The following AHDC1 variants were observed in gnomAD, a reference collection of about 807,000 sequenced individuals.
The protein encoded by AHDC1 is AT-hook DNA binding motif containing 1.
Under a neutral mutation model 87.9 loss-of-function variants are expected in AHDC1, and 7 were observed. The ratio of observed to expected loss-of-function variants is 0.08; its 90% CI spans 0.05 to 0.15. The LOEUF (loss-of-function observed/expected upper bound fraction) is 0.15, where lower values mean the gene tolerates loss of function less well. Ranked by LOEUF, AHDC1 falls within the 10% of genes least tolerant of loss-of-function variation. AHDC1 has a pLI of 1.00. For missense variants in AHDC1, 1,841 were observed against 2,253.2 expected, an observed-to-expected ratio of 0.82 and a Z score of 3.70; for synonymous variants, 1,051 against 1,006.8, an observed-to-expected ratio of 1.04 and a Z score of -0.83.
rs1277759937 is a variant in AHDC1, at chr1:27,590,977, T to C, written c.-629+12420A>G. Among the ~76,000 whole-genome samples the C allele has an allele frequency of 1.3e-5, 2 of 152,088 alleles. No individual in the cohort carries two copies. The highest frequency in any genetic ancestry group is 1.5e-5 in the Non-Finnish European group (1 of 67,994). On this transcript the variant is annotated intron_variant, in intron 3 of 8. Transcript: ENST00000673934. This position sits in a 1 kb window ranked among gnomAD's most constrained non-coding sequence, Gnocchi z 5.4. ...AGGAGAAACGAGATGCTCCATGATTTATGAGCCTAATTCTTTTCCCTTAAA... is the reference window on the plus strand; with the variant it reads ...AGGAGAAACGAGATGCTCCATGATTCATGAGCCTAATTCTTTTCCCTTAAA...
chr1:27,571,611 G>C (rs148490419), intron 3 of AHDC1, among the ~76,000 whole-genome samples: 2 of 151,394 alleles, frequency 1.3e-5, no homozygotes, highest in African/African-American at 2.4e-5. Context: ...CAGCCAAGGA[G>C]GGGGGGGTGG....
intron 3 of AHDC1, among the ~76,000 whole-genome samples, chr1:27,583,220 A>G (rs2088957396): frequency 6.6e-6 from 1 of 152,014 alleles, no homozygotes; most frequent in Admixed American, 6.6e-5. Flanking sequence ...CACCCTCCCT[A>G]TGTCCTTGAG....
chr1:27,563,112 GACAC>G lies in AHDC1; in HGVS notation c.-628-4233_-628-4230del, dbSNP rs150482219. Among the ~76,000 whole-genome samples the G allele has an allele frequency of 3.3e-5, 5 of 151,618 alleles. No homozygotes were observed. The highest frequency in any genetic ancestry group is 1.3e-4 in the Admixed American group (2 of 15,230). On this transcript the variant is annotated intron_variant, in intron 3 of 8. Coordinates refer to ENST00000673934, the MANE Select transcript of AHDC1 (RefSeq NM_001371928.1). This position sits in a 1 kb window ranked among gnomAD's most constrained non-coding sequence, Gnocchi z 6.1. ...GAGAACCTGTTACACAGCTGACCAAGACACACACACACGCACGCACGCATGCATG... is the reference window on the plus strand; with the variant it reads ...GAGAACCTGTTACACAGCTGACCAAGACACACACGCACGCACGCATGCATG...
Position 27,548,872 on chromosome 1 carries a change from CTGCAGAGGT to C in AHDC1, c.3235_3243del (p.Thr1079_Ala1081del), listed in dbSNP as rs764560345. On this transcript the variant is annotated inframe_deletion, in exon 8 of 9. Transcript: ENST00000673934. ...GAGGAGGAGGAGGAGGCGGCAGAGG[CTGCAGAGGT>C]GGCAGAGGCTGTGGTGCCCTTGGGT... 4.3e-6 allele frequency: 7 copies of C among 1,612,150 alleles called. No homozygotes were observed. The highest frequency in any genetic ancestry group is 1.7e-5 in the Admixed American group (1 of 59,864).
chr1:27,548,924 C>A lies in AHDC1; in HGVS notation c.3192G>T (p.Ser1064=). The change falls in exon 8 of 9, where the codon TCG becomes TCT. Residue 1064 remains serine, a synonymous_variant. Transcript: ENST00000673934. ...CCTTGGGTACCATGTAGCCACCGGGCGAGACTGTGCTGGCCCGGCTGTCAC... is the reference window on the plus strand; with the variant it reads ...CCTTGGGTACCATGTAGCCACCGGGAGAGACTGTGCTGGCCCGGCTGTCAC... ...LRCDSRASTV[S]PGGYMVPKGT... The A allele has an allele frequency of 6.3e-7, 1 of 1,597,392 alleles. No homozygotes were observed. Among genetic ancestry groups the A allele is most frequent in the Non-Finnish European group, 8.5e-7 (1 of 1,171,694 alleles).
intron 3 of AHDC1, among the ~76,000 whole-genome samples, chr1:27,571,241 T>C (rs2020553767): frequency 6.6e-6 from 1 of 151,970 alleles, no homozygotes; most frequent in Non-Finnish European, 1.5e-5. Context: ...CCCATGCCAT[T>C]TGGAAAAATA....
At chr1:27,570,881 C>T (rs1000202963) in intron 3 of AHDC1, among the ~76,000 whole-genome samples, 1 of 152,148 alleles carries the variant, frequency 6.6e-6, no homozygotes, top group African/African-American at 2.4e-5. Context: ...AGGCCCCTGC[C>T]CCTGCCCCTC....
At chr1:27,575,615 A>G (rs1052531771) in intron 3 of AHDC1, among the ~76,000 whole-genome samples, 1 of 151,098 alleles carries the variant, frequency 6.6e-6, no homozygotes, top group African/African-American at 2.4e-5. Flanking sequence ...CGCAGCGCGC[A>G]GCCCGGGCTG....
chr1:27,591,870 C>T (rs527536651), intron 3 of AHDC1, among the ~76,000 whole-genome samples: 2 of 152,224 alleles, frequency 1.3e-5, no homozygotes, highest in East Asian at 1.9e-4. Context: ...GGCCTTGGCA[C>T]AGTGCCTGAC....
chr1:27,559,334 G>A (rs1479831951), intron 3 of AHDC1, among the ~76,000 whole-genome samples: 1 of 152,178 alleles, frequency 6.6e-6, no homozygotes, highest in Non-Finnish European at 1.5e-5. Flanking sequence ...GGGATTGCAG[G>A]TATGAGCCAC....
In AHDC1 at chr1:27,560,858, C is replaced by A. The variant is rs192141427; in HGVS notation, c.-628-1975G>T. ...TTGTGAAGGGCTCAGTGTGTGAGTG[C>A]GTGTGTGCATGCATGTGAGATACCC... On this transcript the variant is annotated intron_variant, in intron 3 of 8. Transcript: ENST00000673934. The surrounding 1 kb of genome is among the most constrained non-coding windows in gnomAD (Gnocchi z 4.1). Among the ~76,000 whole-genome samples, 2 of 151,612 alleles carry A rather than the reference C, an allele frequency of 1.3e-5. No individual in the cohort carries two copies. The highest frequency in any genetic ancestry group is 3.9e-4 in the East Asian group (2 of 5,136).
intron 8 of AHDC1, among the ~76,000 whole-genome samples, chr1:27,545,087 A>G (rs1373757195): frequency 6.6e-6 from 1 of 151,434 alleles, no homozygotes. Flanking sequence ...GTTCAGCCCC[A>G]TCATTCCTCA....
At position 27,563,132 on chromosome 1, in the gene AHDC1, C is replaced by CGCAT. The variant is rs775955092; in HGVS notation, c.-628-4253_-628-4250dup. 2.0e-5 allele frequency among the ~76,000 whole-genome samples: 3 copies of CGCAT among 151,538 alleles called. No individual in the cohort carries two copies. Among genetic ancestry groups the CGCAT allele is most frequent in the Admixed American group, 6.6e-5 (1 of 15,218 alleles). Reference sequence around the variant, plus strand: ...ACCAAGACACACACACACGCACGCACGCATGCATGCACACACCCACACAAA... The same window carrying CGCAT: ...ACCAAGACACACACACACGCACGCACGCATGCATGCATGCACACACCCACACAAA... On this transcript the variant is annotated intron_variant, in intron 3 of 8. Transcript: ENST00000673934. The surrounding 1 kb of genome is among the most constrained non-coding windows in gnomAD (Gnocchi z 6.1).
At position 27,549,786 on chromosome 1, in the gene AHDC1, G is replaced by T. The variant is rs1158357278; in HGVS notation, c.2330C>A (p.Ala777Asp). ...TCCGCCTGGGTGCCCATGGTGAGGG[G>T]CCCAGCCACCACCCTTATCCCCGGC... Reference protein sequence around the residue: ...EWAGDKGGGWAPHHGHPGGQA... With the variant: ...EWAGDKGGGWDPHHGHPGGQA... Residue 777 changes from alanine to aspartate, a missense_variant, in exon 8 of 9, where the codon GCC becomes GAC. Ala to Asp is a moderately radical substitution (Grantham distance 126, BLOSUM62 -2). Transcript: ENST00000673934. The T allele has an allele frequency of 7.4e-6, 12 of 1,613,240 alleles. No homozygotes were observed. Among genetic ancestry groups the T allele is most frequent in the African/African-American group, 1.3e-5 (1 of 74,878 alleles).
chr1:27,559,942 G>A (rs1571264458), intron 3 of AHDC1, among the ~76,000 whole-genome samples: 1 of 152,238 alleles, frequency 6.6e-6, no homozygotes, highest in South Asian at 2.1e-4. Context: ...AGGCTCAGCT[G>A]TCTGGGTAAA....
chr1:27,572,956 A>G (rs2088586699), intron 3 of AHDC1, among the ~76,000 whole-genome samples: 1 of 152,202 alleles, frequency 6.6e-6, no homozygotes, highest in Non-Finnish European at 1.5e-5. Flanking sequence ...ACACAGTCTC[A>G]CAGCCCCGCC....
intron 3 of AHDC1, among the ~76,000 whole-genome samples, chr1:27,575,754 G>A (rs2088708990): frequency 6.6e-6 from 1 of 151,778 alleles, no homozygotes; most frequent in African/African-American, 2.4e-5. Flanking sequence ...CCCTTCCCGC[G>A]CCCCGGGCCC....
At position 27,561,635 on chromosome 1, in the gene AHDC1, G is replaced by C. The variant is rs2148346819; in HGVS notation, c.-628-2752C>G. 6.6e-6 allele frequency among the ~76,000 whole-genome samples: 1 copy of C among 152,188 alleles called. No homozygotes were observed. Among genetic ancestry groups the C allele is most frequent in the South Asian group, 2.1e-4 (1 of 4,814 alleles). On this transcript the variant is annotated intron_variant, in intron 3 of 8. Coordinates refer to ENST00000673934, the MANE Select transcript of AHDC1 (RefSeq NM_001371928.1). The surrounding 1 kb of genome is among the most constrained non-coding windows in gnomAD (Gnocchi z 4.2). ...CCTTGTTCAGGGGGTGTTGGCTGGG[G>C]GAGATTTGTTCTGGTTGCAGACACC...
intron 3 of AHDC1, among the ~76,000 whole-genome samples, chr1:27,559,530 T>C (rs1239745079): frequency 6.6e-6 from 1 of 152,194 alleles, no homozygotes; most frequent in Non-Finnish European, 1.5e-5. Flanking sequence ...TCAGTTAACT[T>C]TTCTGGCTCT....
Sources: allele counts gnomAD v4.1 joint callset (sites outside exome capture counted in the v4.1 genomes callset), GRCh38; gene constraint gnomAD v4.1.1; non-coding constraint Gnocchi (gnomAD v3.1); transcripts MANE v1.5; gene names NCBI Gene and HGNC (gene_info 2026-07-23, HGNC 2026-07-21).